Variants in AZIN2 observed in about 807,000 individuals in gnomAD.
The protein encoded by AZIN2 is antizyme inhibitor 2, also known as ODC antizyme inhibitor-2.
A neutral mutation model predicts 47.8 loss-of-function variants in AZIN2; 28 were observed. The ratio of observed to expected loss-of-function variants is 0.59; its 90% CI spans 0.43 to 0.80. AZIN2 has a LOEUF of 0.80. Ranked by LOEUF, AZIN2 falls within the 30% of genes least tolerant of loss-of-function variation. The probability of loss-of-function intolerance (pLI) is 0.00; values close to 1 mark genes in which losing one functional copy is unlikely to be tolerated. For missense variants in AZIN2, 535 were observed against 582.5 expected, an observed-to-expected ratio of 0.92 and a Z score of 0.84; for synonymous variants, 221 against 239.4, an observed-to-expected ratio of 0.92 and a Z score of 0.71.
intron 11 of AZIN2, 53 bp downstream of exon 11, chr1:33,118,169 G>A (rs776737902): frequency 1.0e-5 from 15 of 1,476,358 alleles, no homozygotes; most frequent in African/African-American, 5.7e-5. Flanking sequence ...GGGCAGAAAC[G>A]AGGGAAACTT....
At chr1:33,143,935 CAA>C in the AZIN2 span, among the ~76,000 whole-genome samples, 1 of 152,240 alleles carries the variant, frequency 6.6e-6, no homozygotes, top group African/African-American at 2.4e-5. Flanking sequence ...ACTTTGGAGA[CAA>C]GACAGAATAG....
At chr1:33,112,317 C>G (rs1371617403) in intron 10 of AZIN2, among the ~76,000 whole-genome samples, 1 of 152,134 alleles carries the variant, frequency 6.6e-6, no homozygotes, top group Non-Finnish European at 1.5e-5. Flanking sequence ...TATATCAGAA[C>G]ATATATATCT....
At chr1:33,118,947 G>A (rs1397180368) in intron 11 of AZIN2, 1 of 152,334 alleles carries the variant, frequency 6.6e-6, no homozygotes, top group African/African-American at 2.4e-5. Flanking sequence ...TCACAGAGAG[G>A]TCATTCTTCT....
the AZIN2 span, among the ~76,000 whole-genome samples, chr1:33,162,190 T>C: frequency 4.6e-5 from 7 of 152,202 alleles, no homozygotes; most frequent in Non-Finnish European, 8.8e-5. Context: ...CTTTAGCTCC[T>C]TGACACATAG....
chr1:33,101,839 A>T, intron 10 of AZIN2: 1 of 779,632 alleles, frequency 1.3e-6, no homozygotes, highest in South Asian at 1.3e-5. Context: ...ACAGTCTAAG[A>T]ACCACTCACC....
chr1:33,152,761 C>A, the AZIN2 span, among the ~76,000 whole-genome samples: 1 of 152,122 alleles, frequency 6.6e-6, no homozygotes, highest in Admixed American at 6.5e-5. Flanking sequence ...AACTGGGGCT[C>A]TGAGAGGGGA....
chr1:33,094,707 T>G lies in AZIN2; in HGVS notation c.747T>G (p.Phe249Leu), dbSNP rs1181797237. The G allele has an allele frequency of 1.9e-6, 3 of 1,613,992 alleles. No homozygotes were observed. In the African/African-American group the frequency reaches 4.0e-5, roughly 22 times the overall value. ...GCACAGAAGGGGCCAAAGTGAGATTTGAAGAGGTAACCCTGGAGCTGGGAG... is the reference window on the plus strand; with the variant it reads ...GCACAGAAGGGGCCAAAGTGAGATTGGAAGAGGTAACCCTGGAGCTGGGAG... Reference protein sequence around the residue: ...FPGTEGAKVRFEEIASVINSA... With the variant: ...FPGTEGAKVRLEEIASVINSA... The change falls in exon 8 of 12, where the codon TTT (phenylalanine) becomes TTG (leucine). Residue 249 changes from phenylalanine (F) to leucine (L), a missense_variant. Phe to Leu is a conservative substitution (Grantham distance 22). Transcript: ENST00000294517.
chr1:33,153,861 C>T, the AZIN2 span, among the ~76,000 whole-genome samples: 1 of 152,210 alleles, frequency 6.6e-6, no homozygotes, highest in African/African-American at 2.4e-5. Flanking sequence ...CAAACATTTG[C>T]TGTGCTAGCT....
At chr1:33,098,580 T>G (rs1014069935) in intron 10 of AZIN2, among the ~76,000 whole-genome samples, 2 of 152,178 alleles carry the variant, frequency 1.3e-5, no homozygotes, top group Non-Finnish European at 2.9e-5. Context: ...TTCCTGGAAG[T>G]AGAAACAGTT....
intron 10 of AZIN2, chr1:33,101,803 T>C: frequency 1.3e-6 from 1 of 776,398 alleles, no homozygotes; most frequent in Non-Finnish European, 2.4e-6. Context: ...GCATGTAACC[T>C]GTTTGGGCTT....
chr1:33,084,219 G>T, intron 5 of AZIN2, 92 bp downstream of exon 5: 1 of 1,490,622 alleles, frequency 6.7e-7, no homozygotes, highest in Non-Finnish European at 9.2e-7. Context: ...GGAGCAAGAG[G>T]TACCTGTAGT....
At chr1:33,145,368 CTG>C in the AZIN2 span, 1 of 157,652 alleles carries the variant, frequency 6.3e-6, no homozygotes, top group Non-Finnish European at 1.4e-5. Flanking sequence ...CTGGGTGGGC[CTG>C]TGTGTTTGTC....
chr1:33,091,100 T>C (rs1244120424), intron 5 of AZIN2, among the ~76,000 whole-genome samples: 1 of 152,258 alleles, frequency 6.6e-6, no homozygotes, highest in Non-Finnish European at 1.5e-5. Flanking sequence ...TCATCTGTGA[T>C]GGACACTTAG....
At chr1:33,150,308 G>A in the AZIN2 span, among the ~76,000 whole-genome samples, 2 of 152,184 alleles carry the variant, frequency 1.3e-5, no homozygotes, top group Non-Finnish European at 2.9e-5. Flanking sequence ...TACTTCAGTT[G>A]CCTCTGTTGG....
Position 33,113,825 on chromosome 1 carries a change from T to C in AZIN2, c.1030-4077T>C, listed in dbSNP as rs1180493201. Among the ~76,000 whole-genome samples the C allele has an allele frequency of 6.6e-6, 1 of 152,234 alleles. No homozygotes were observed. The highest frequency in any genetic ancestry group is 1.5e-5 in the Non-Finnish European group (1 of 68,038). On this transcript the variant is annotated intron_variant, in intron 10 of 11. Coordinates refer to ENST00000294517, the MANE Select transcript of AZIN2 (RefSeq NM_052998.4). This position sits in a 1 kb window ranked among gnomAD's most constrained non-coding sequence, Gnocchi z 4.1. ...TCATTGTGGGGTTTTGTTTTGTCTG[T>C]AGTTTTAATAAAGAATAGATGCTAC...
chr1:33,146,080 C>T, the AZIN2 span: 3 of 350,104 alleles, frequency 8.6e-6, no homozygotes, highest in East Asian at 1.6e-4. Flanking sequence ...CAGATGGGGG[C>T]AGCTTTCCTG....
In AZIN2 at chr1:33,092,148, G is replaced by A. The variant is rs1005113676; in HGVS notation, c.378G>A (p.Lys126=). ...KQIAQIKYAA[K]HGIQLLSFDN... ...TTGCACAGATCAAATATGCTGCCAA[G>A]CATGGGATCCAGCTGCTGAGCTTTG... The change falls in exon 6 of 12, where the codon AAG becomes AAA. Residue 126 remains lysine (K), a synonymous_variant. Coordinates refer to ENST00000294517, the MANE Select transcript of AZIN2 (RefSeq NM_052998.4). The A allele has an allele frequency of 2.5e-6, 4 of 1,614,098 alleles. No homozygotes were observed. Among genetic ancestry groups the A allele is most frequent in the Non-Finnish European group, 3.4e-6 (4 of 1,180,048 alleles).
At chr1:33,144,031 G>C in the AZIN2 span, among the ~76,000 whole-genome samples, 1 of 152,156 alleles carries the variant, frequency 6.6e-6, no homozygotes, top group Non-Finnish European at 1.5e-5. Flanking sequence ...TTCCTGTACA[G>C]AAGATAGTGT....
the AZIN2 span, among the ~76,000 whole-genome samples, chr1:33,144,381 G>T: frequency 6.6e-6 from 1 of 152,122 alleles, no homozygotes; most frequent in Admixed American, 6.5e-5. Context: ...CAGGTGATCC[G>T]CCTGCCTTGG....
Sources: gnomAD v4.1 joint callset for allele counts (sites outside exome capture counted in the v4.1 genomes callset) on GRCh38, gnomAD v4.1.1 for gene constraint, Gnocchi (gnomAD v3.1) non-coding constraint, MANE v1.5 for transcripts, NCBI Gene and HGNC (gene_info 2026-07-23, HGNC 2026-07-21) for gene names.